The following FAM210A variants were observed in gnomAD, a reference collection of about 807,000 sequenced individuals.
FAM210A encodes the protein mitochondrial inner membrane scaffold 1.
A neutral mutation model predicts 25.3 loss-of-function variants in FAM210A; 13 were observed. The ratio of observed to expected loss-of-function variants is 0.51; its 90% CI spans 0.33 to 0.82. The LOEUF (loss-of-function observed/expected upper bound fraction) is 0.82, where lower values mean the gene tolerates loss of function less well. Among genes scored for constraint, FAM210A ranks in the 40% least tolerant of loss-of-function variants. FAM210A has a pLI of 0.02. For synonymous variants in FAM210A, 125 were observed against 118.7 expected, an observed-to-expected ratio of 1.05 and a Z score of -0.35; for missense variants, 319 against 323.2, an observed-to-expected ratio of 0.99 and a Z score of 0.10.
At chr18:13,700,293 G>C (rs530587137) in intron 1 of FAM210A, among the ~76,000 whole-genome samples, 2 of 152,350 alleles carry the variant, frequency 1.3e-5, no homozygotes, top group African/African-American at 4.8e-5. Flanking sequence ...ATTTTAGGCA[G>C]AATTATAGTT....
At chr18:13,698,582 C>T (rs2043714729) in intron 1 of FAM210A, among the ~76,000 whole-genome samples, 1 of 152,054 alleles carries the variant, frequency 6.6e-6, no homozygotes, top group South Asian at 2.1e-4. Context: ...TTTTGCAGAC[C>T]TTGGTCAGAG....
intron 1 of FAM210A, among the ~76,000 whole-genome samples, chr18:13,714,915 C>T (rs1451412150): frequency 6.6e-6 from 1 of 151,962 alleles, no homozygotes; most frequent in Non-Finnish European, 1.5e-5. Context: ...GAATAGCGTC[C>T]TCATGTATAA....
At chr18:13,707,031 C>T (rs116218875) in intron 1 of FAM210A, among the ~76,000 whole-genome samples, 6,244 of 152,266 alleles carry the variant, frequency 0.041, 146 homozygotes, top group Middle Eastern at 0.065. Context: ...TGTATTCTCT[C>T]AGAGGTTTTA....
intron 2 of FAM210A, among the ~76,000 whole-genome samples, chr18:13,675,404 A>T (rs12607658): frequency 2.1e-5 from 2 of 96,616 alleles, no homozygotes; most frequent in Admixed American, 9.8e-5. Context: ...CTTCATTTCC[A>T]GTTTCCTGAT....
intron 1 of FAM210A, among the ~76,000 whole-genome samples, chr18:13,690,806 CCAGAG>C (rs1228123239): frequency 2.0e-5 from 3 of 152,132 alleles, no homozygotes; most frequent in Non-Finnish European, 4.4e-5. Flanking sequence ...AGGGGAGAAA[CCAGAG>C]CAGAAAAGCT....
chr18:13,692,079 CAA>C (rs137984372), intron 1 of FAM210A, among the ~76,000 whole-genome samples: 9 of 147,972 alleles, frequency 6.1e-5, no homozygotes, highest in African/African-American at 2.3e-4. Flanking sequence ...AAATGGAAAA[CAA>C]AAAAAAAGGC....
intron 1 of FAM210A, among the ~76,000 whole-genome samples, chr18:13,688,477 G>A (rs555294020): frequency 6.6e-6 from 1 of 152,242 alleles, no homozygotes; most frequent in East Asian, 1.9e-4. Context: ...ATTTCAGGCT[G>A]CCCTTCTCAG....
chr18:13,700,666 G>A (rs901186735), intron 1 of FAM210A, among the ~76,000 whole-genome samples: 1 of 152,192 alleles, frequency 6.6e-6, no homozygotes, highest in African/African-American at 2.4e-5. Flanking sequence ...CTCTCGGGAA[G>A]GCAGATTTGA....
At chr18:13,685,341 A>G (rs915557528) in intron 1 of FAM210A, among the ~76,000 whole-genome samples, 2 of 149,474 alleles carry the variant, frequency 1.3e-5, no homozygotes, top group African/African-American at 2.5e-5. Context: ...TAAAGACTCT[A>G]TTAACATAAT....
intron 1 of FAM210A, among the ~76,000 whole-genome samples, chr18:13,714,408 CAG>C (rs1366326022): frequency 6.6e-6 from 1 of 152,110 alleles, no homozygotes; most frequent in Non-Finnish European, 1.5e-5. Context: ...TGGAAAGGCA[CAG>C]AGTGTCAATA....
chr18:13,679,163 G>A (rs2043528329), intron 2 of FAM210A, among the ~76,000 whole-genome samples: 1 of 152,224 alleles, frequency 6.6e-6, no homozygotes, highest in Non-Finnish European at 1.5e-5. Context: ...TAGAAAGGCA[G>A]TAATGCGAGC....
At chr18:13,677,392 T>A (rs544789871) in intron 2 of FAM210A, among the ~76,000 whole-genome samples, 157 of 152,252 alleles carry the variant, frequency 1.0e-3, no homozygotes, top group Non-Finnish European at 1.9e-3. Flanking sequence ...GCTTAAGGGC[T>A]TACAACTCTA....
At chr18:13,702,530 C>T (rs1454029610) in intron 1 of FAM210A, among the ~76,000 whole-genome samples, 23 of 152,188 alleles carry the variant, frequency 1.5e-4, no homozygotes, top group Non-Finnish European at 1.5e-5. Flanking sequence ...ATCCTGTGAC[C>T]ACATGGCTAC....
At chr18:13,711,421 TAAAC>T (rs952164330) in intron 1 of FAM210A, among the ~76,000 whole-genome samples, 1 of 151,716 alleles carries the variant, frequency 6.6e-6, no homozygotes, top group African/African-American at 2.4e-5. Context: ...AAAAACAAAA[TAAAC>T]AAAACAAAAA....
At chr18:13,670,691 G>A (rs967744348) in intron 3 of FAM210A, among the ~76,000 whole-genome samples, 1 of 152,036 alleles carries the variant, frequency 6.6e-6, no homozygotes, top group Non-Finnish European at 1.5e-5. Flanking sequence ...AGGCATAGAA[G>A]CTATCAAGAT....
At chr18:13,720,703 T>A (rs375405546) in intron 1 of FAM210A, among the ~76,000 whole-genome samples, 4,438 of 152,312 alleles carry the variant, frequency 0.029, 77 homozygotes, top group Middle Eastern at 0.061. Flanking sequence ...GGTCTCTATT[T>A]GTTTGCTACA....
At chr18:13,693,968 T>G (rs968327983) in intron 1 of FAM210A, among the ~76,000 whole-genome samples, 1 of 152,236 alleles carries the variant, frequency 6.6e-6, no homozygotes, top group Non-Finnish European at 1.5e-5. Context: ...GACATGATTG[T>G]AGATTTAGAA....
chr18:13,699,744 C>T (rs1022827550), intron 1 of FAM210A, among the ~76,000 whole-genome samples: 13 of 152,130 alleles, frequency 8.5e-5, no homozygotes, highest in African/African-American at 1.9e-4. Context: ...CCTTTTATCG[C>T]GTGGTATTTA....
chr18:13,669,304 T>C (rs1362854326), intron 3 of FAM210A, among the ~76,000 whole-genome samples: 2 of 152,164 alleles, frequency 1.3e-5, no homozygotes, highest in Admixed American at 6.5e-5. Flanking sequence ...TGCTTAAAAT[T>C]GTCCAGTGGC....
Sources: allele counts gnomAD v4.1 joint callset (sites outside exome capture counted in the v4.1 genomes callset), GRCh38; gene constraint gnomAD v4.1.1; transcripts MANE v1.5; gene names NCBI Gene and HGNC (gene_info 2026-07-23, HGNC 2026-07-21).